The following SHISA9 variants were observed in gnomAD, a reference collection of about 807,000 sequenced individuals.
SHISA9 encodes shisa family member 9, also known as protein shisa-9.
In SHISA9, 13 loss-of-function variants were observed where a neutral mutation model predicts 38.0. That is an observed-to-expected ratio of 0.34 (90% confidence interval 0.22 to 0.54). The LOEUF is 0.54. Among genes scored for constraint, SHISA9 ranks in the 20% least tolerant of loss-of-function variants. The pLI, the probability that SHISA9 is intolerant of heterozygous loss-of-function variation, is 0.91. For synonymous variants in SHISA9, 275 were observed against 242.0 expected (o/e 1.14, Z -1.27); for missense variants, 538 against 575.8 (o/e 0.93, Z 0.67).
the SHISA9 span, among the ~76,000 whole-genome samples, chr16:13,367,697 T>C: frequency 2.2e-4 from 26 of 116,146 alleles, no homozygotes; most frequent in African/African-American, 6.6e-4. Flanking sequence ...CGCGTGTGCG[T>C]GCGCGCGCGC....
chr16:12,941,273 C>T (rs1345423061), intron 2 of SHISA9, among the ~76,000 whole-genome samples: 7 of 152,150 alleles, frequency 4.6e-5, no homozygotes, highest in African/African-American at 9.7e-5. Context: ...ATTGCTTGAA[C>T]CCAGGAGGCG....
the SHISA9 span, among the ~76,000 whole-genome samples, chr16:13,419,058 C>A: frequency 1.3e-5 from 2 of 152,158 alleles, no homozygotes; most frequent in East Asian, 1.9e-4. Context: ...CTTATATAAA[C>A]CCACGTGTAT....
intron 2 of SHISA9, among the ~76,000 whole-genome samples, chr16:12,921,286 C>T (rs1029864025): frequency 1.6e-4 from 25 of 152,150 alleles, no homozygotes; most frequent in African/African-American, 5.8e-4. Flanking sequence ...CTATTCCAGC[C>T]GGTCACACCC....
intron 2 of SHISA9, among the ~76,000 whole-genome samples, chr16:13,060,453 C>T (rs983288126): frequency 1.3e-5 from 2 of 151,920 alleles, no homozygotes; most frequent in South Asian, 2.1e-4. Flanking sequence ...CAGATTGGAA[C>T]GGATCACAGA....
the SHISA9 span, among the ~76,000 whole-genome samples, chr16:13,544,144 A>G: frequency 1.3e-5 from 2 of 152,030 alleles, no homozygotes; most frequent in African/African-American, 2.4e-5. Context: ...TCTGCTAAGT[A>G]CTTACTACCT....
intron 2 of SHISA9, among the ~76,000 whole-genome samples, chr16:12,929,798 A>T (rs62029750): frequency 0.24 from 36,880 of 151,984 alleles, 4,960 homozygotes; most frequent in East Asian, 0.4. Flanking sequence ...ACTTAAAATA[A>T]AAGTTGAAGG....
intron 2 of SHISA9, among the ~76,000 whole-genome samples, chr16:13,116,550 C>G (rs1032365764): frequency 2.6e-5 from 4 of 152,176 alleles, no homozygotes; most frequent in African/African-American, 7.2e-5. Context: ...GGCTTTGGAG[C>G]TAGTTGCTAT....
chr16:13,260,588 C>G, the SHISA9 span, among the ~76,000 whole-genome samples: 1 of 152,176 alleles, frequency 6.6e-6, no homozygotes, highest in Non-Finnish European at 1.5e-5. Context: ...TCATCTCCAT[C>G]TGAGACCACC....
the SHISA9 span, among the ~76,000 whole-genome samples, chr16:13,389,364 A>C: frequency 8.5e-5 from 13 of 152,224 alleles, no homozygotes; most frequent in East Asian, 2.5e-3. Context: ...AGCCATATGC[A>C]TTTAAGGGCC....
the SHISA9 span, among the ~76,000 whole-genome samples, chr16:13,359,456 C>G: frequency 6.6e-6 from 1 of 152,076 alleles, no homozygotes; most frequent in Non-Finnish European, 1.5e-5. Context: ...GCATTCCTGC[C>G]TAGGTGACAG....
intron 2 of SHISA9, among the ~76,000 whole-genome samples, chr16:13,141,132 A>G (rs2050398243): frequency 6.6e-6 from 1 of 152,186 alleles, no homozygotes; most frequent in Non-Finnish European, 1.5e-5. Context: ...AGAAAAAAAA[A>G]TCCATTGACT....
intron 2 of SHISA9, among the ~76,000 whole-genome samples, chr16:12,984,072 C>A (rs937641827): frequency 6.6e-6 from 1 of 152,046 alleles, no homozygotes; most frequent in African/African-American, 2.4e-5. Flanking sequence ...ATCTGGGGCT[C>A]TTCATATGGG....
At chr16:13,208,170 T>C (rs2051083887) in intron 3 of SHISA9, among the ~76,000 whole-genome samples, 1 of 152,188 alleles carries the variant, frequency 6.6e-6, no homozygotes, top group South Asian at 2.1e-4. Context: ...AACTATAAGA[T>C]GTCCAAGTTC....
chr16:13,179,952 C>T (rs1405380101), intron 2 of SHISA9, among the ~76,000 whole-genome samples: 1 of 152,100 alleles, frequency 6.6e-6, no homozygotes, highest in Non-Finnish European at 1.5e-5. Flanking sequence ...CTGATCTGGA[C>T]CCAGGGCATT....
At chr16:13,214,965 G>A (rs569871229) in intron 4 of SHISA9, among the ~76,000 whole-genome samples, 2 of 151,564 alleles carry the variant, frequency 1.3e-5, no homozygotes, top group African/African-American at 2.4e-5. Flanking sequence ...TTTTTTTGCC[G>A]TTTCAAAAGA....
the SHISA9 span, among the ~76,000 whole-genome samples, chr16:13,289,992 T>C: frequency 6.6e-6 from 1 of 152,170 alleles, no homozygotes; most frequent in East Asian, 1.9e-4. Flanking sequence ...ATAAAATAAG[T>C]CTAGTTGTTT....
intron 2 of SHISA9, among the ~76,000 whole-genome samples, chr16:13,020,017 T>TTCCTTCCTTCCTTCCC (rs2072832516): frequency 7.8e-6 from 1 of 127,472 alleles, no homozygotes; most frequent in African/African-American, 3.0e-5. Context: ...CCTTCCCTCC[T>TTCCTTCCTTCCTTCCC]TCCTTCCTTC....
the SHISA9 span, among the ~76,000 whole-genome samples, chr16:13,335,349 G>T: frequency 2.0e-5 from 3 of 152,302 alleles, no homozygotes; most frequent in South Asian, 2.1e-4. Context: ...GGAGTAGGTT[G>T]TTTCTAGCAC....
Position 13,178,198 on chromosome 16 carries a change from C to T in SHISA9, c.692-25196C>T, listed in dbSNP as rs1282745743. On this transcript the variant is annotated intron_variant, in intron 2 of 4. Coordinates refer to ENST00000558583, the MANE Select transcript of SHISA9 (RefSeq NM_001145204.3). ...GTTGCTCAGAGCATTCTCCTCCATCCATGGATCAGCTACAAGGATGGGTCA... is the reference window on the plus strand; with the variant it reads ...GTTGCTCAGAGCATTCTCCTCCATCTATGGATCAGCTACAAGGATGGGTCA... Among the ~76,000 whole-genome samples, 5 of 152,132 alleles carry T rather than the reference C, an allele frequency of 3.3e-5. No homozygotes were observed. The South Asian group carries it at 1.0e-3, about 32-fold the overall frequency.
Sources: allele counts gnomAD v4.1 joint callset (sites outside exome capture counted in the v4.1 genomes callset), GRCh38; gene constraint gnomAD v4.1.1; transcripts MANE v1.5; gene names NCBI Gene and HGNC (gene_info 2026-07-23, HGNC 2026-07-21).